LRCH3: variants seen among roughly 807,000 people sequenced by gnomAD.
The protein encoded by LRCH3 is leucine rich repeats and calponin homology domain containing 3, also known as DISP complex protein LRCH3.
A neutral mutation model predicts 104.5 loss-of-function variants in LRCH3; 68 were observed. That is an observed-to-expected ratio of 0.65 (90% CI 0.54 to 0.80). The LOEUF is 0.80. LRCH3 is among the 30% of genes least tolerant of loss of function. LRCH3 has a pLI of 0.00. For synonymous variants in LRCH3, 344 were observed against 361.3 expected (o/e 0.95, Z 0.54); for missense variants, 951 against 953.9 (o/e 1.00, Z 0.04).
In LRCH3 at chr3:197,861,473, G is replaced by A. The variant is rs538164592; in HGVS notation, c.1716+2568G>A. On this transcript the variant is annotated intron_variant, in intron 15 of 20. Transcript: ENST00000425562. ...TTGTTTTGACTGTGCCAAAAGTTGT[G>A]TGGTCCAGACAGACCACAGTGTCTT... is the stretch of plus-strand genomic sequence containing the variant. Among the ~76,000 whole-genome samples, 15 of 152,264 alleles carry A rather than the reference G, an allele frequency of 9.9e-5. No individual in the cohort carries two copies. The South Asian group carries it at 3.1e-3, about 32-fold the overall frequency.
At chr3:197,837,523 CT>C (rs1199297930) in intron 9 of LRCH3, among the ~76,000 whole-genome samples, 2 of 152,078 alleles carry the variant, frequency 1.3e-5, no homozygotes, top group Non-Finnish European at 2.9e-5. Flanking sequence ...AGTGAAGTAT[CT>C]TTTTATTTTC....
At position 197,817,342 on chromosome 3, in the gene LRCH3, G is replaced by GCGTGTGTGTGTGTGTC; in HGVS notation, c.534+40_534+41insCGTGTGTGTGTGTGTC. 6.5e-6 allele frequency: 2 copies of GCGTGTGTGTGTGTGTC among 307,906 alleles called. 1 individual carries two copies. The highest frequency in any genetic ancestry group is 3.3e-4 in the Admixed American group (2 of 6,134). 19.1% of individuals were successfully genotyped at this position (307,906 alleles called of 1,614,324 possible). ...TTGATTGTCCAACATGTGTGTGTGTGTGTCTGTGTGTGTGTGTGTATATAT... is the reference window on the plus strand; with the variant it reads ...TTGATTGTCCAACATGTGTGTGTGTGCGTGTGTGTGTGTGTCTGTCTGTGTGTGTGTGTGTATATAT... On this transcript the variant is annotated intron_variant, in intron 3 of 20. Coordinates refer to ENST00000425562, the MANE Select transcript of LRCH3 (RefSeq NM_001365715.1).
intron 15 of LRCH3, among the ~76,000 whole-genome samples, chr3:197,860,215 G>A (rs1056154865): frequency 1.3e-5 from 2 of 151,958 alleles, no homozygotes; most frequent in Non-Finnish European, 2.9e-5. Flanking sequence ...TTGCCCAGGC[G>A]GGTCTCAAAC....
intron 4 of LRCH3, among the ~76,000 whole-genome samples, chr3:197,823,928 C>T (rs2109235868): frequency 6.6e-6 from 1 of 152,328 alleles, no homozygotes; most frequent in East Asian, 1.9e-4. Flanking sequence ...CTGCTTTCCT[C>T]CCATCTTCCC....
chr3:197,828,910 T>C (rs1735572556), intron 5 of LRCH3, among the ~76,000 whole-genome samples: 1 of 151,858 alleles, frequency 6.6e-6, no homozygotes, highest in African/African-American at 2.4e-5. Flanking sequence ...GATTTCACCG[T>C]GTTGGTCAGG....
At chr3:197,880,073 G>A (rs947326788) in intron 20 of LRCH3, among the ~76,000 whole-genome samples, 2 of 150,632 alleles carry the variant, frequency 1.3e-5, no homozygotes, top group Admixed American at 6.6e-5. Flanking sequence ...AGCCTCCCGA[G>A]TAGCTGGGAC....
At chr3:197,791,245 T>A (rs569181321), upstream of LRCH3, 19 of 1,602,518 alleles carry the variant, frequency 1.2e-5, no homozygotes, top group South Asian at 1.8e-4. Context: ...GCGCATGCGC[T>A]GAGCTGGCGG....
At chr3:197,862,325 C>A (rs1346859008) in intron 15 of LRCH3, among the ~76,000 whole-genome samples, 1 of 152,312 alleles carries the variant, frequency 6.6e-6, no homozygotes, top group African/African-American at 2.4e-5. Context: ...AAGGAGAGAA[C>A]ATTCGCTGCC....
At chr3:197,880,598 C>T in intron 20 of LRCH3, 1 of 1,536,742 alleles carries the variant, frequency 6.5e-7, no homozygotes, top group Non-Finnish European at 8.7e-7. Flanking sequence ...TTGGGGCACA[C>T]TCAGAAGAAT....
At chr3:197,802,552 C>G (rs1246127940) in intron 1 of LRCH3, among the ~76,000 whole-genome samples, 1 of 151,984 alleles carries the variant, frequency 6.6e-6, no homozygotes, top group Non-Finnish European at 1.5e-5. Context: ...ATTCCCTTCT[C>G]TTTAGTTTTT....
At chr3:197,807,957 G>A (rs1398106465) in intron 1 of LRCH3, among the ~76,000 whole-genome samples, 1 of 151,914 alleles carries the variant, frequency 6.6e-6, no homozygotes, top group Non-Finnish European at 1.5e-5. Context: ...TATAATTTTT[G>A]CTTCCAATAT....
intron 5 of LRCH3, among the ~76,000 whole-genome samples, chr3:197,828,793 C>T (rs1187771653): frequency 2.7e-5 from 4 of 149,696 alleles, no homozygotes; most frequent in South Asian, 4.3e-4. Context: ...CTGCAGCCTC[C>T]GCCTCCTGGG....
chr3:197,878,228 C>A (rs1454562701), intron 20 of LRCH3, among the ~76,000 whole-genome samples: 1 of 152,164 alleles, frequency 6.6e-6, no homozygotes, highest in Non-Finnish European at 1.5e-5. Context: ...AAGGTCTAAG[C>A]CTGTCCGCGG....
intron 4 of LRCH3, among the ~76,000 whole-genome samples, chr3:197,822,074 A>G (rs1278290787): frequency 6.6e-6 from 1 of 152,226 alleles, no homozygotes; most frequent in Non-Finnish European, 1.5e-5. Context: ...CTAACATACT[A>G]GTGGAGCTTT....
chr3:197,861,197 C>T (rs1740841341), intron 15 of LRCH3, among the ~76,000 whole-genome samples: 1 of 152,142 alleles, frequency 6.6e-6, no homozygotes, highest in South Asian at 2.1e-4. Context: ...TATTGTTGAG[C>T]ATGCCCTACA....
chr3:197,838,516 T>C (rs559484420), intron 9 of LRCH3, among the ~76,000 whole-genome samples: 6 of 152,364 alleles, frequency 3.9e-5, no homozygotes, highest in African/African-American at 1.4e-4. Flanking sequence ...GGGAAAGTTG[T>C]TTTCTTATTT....
In LRCH3 at chr3:197,832,208, A is replaced by G. The variant is rs1020017372; in HGVS notation, c.993A>G (p.Glu331=). The G allele has an allele frequency of 2.5e-6, 4 of 1,612,542 alleles. No homozygotes were observed. The East Asian group carries it at 6.7e-5, about 27-fold the overall frequency. The change falls in exon 8 of 21, where the codon GAA becomes GAG. Residue 331 remains glutamate, a synonymous_variant. Transcript: ENST00000425562. ...GCTTCTTTTTTAAGCCTACAGATGA[A>G]TTTTCAGATCTGCCTCTTCGAGTAG... ...KRWSGNEPTD[E]FSDLPLRVAE... is the part of the protein sequence containing the mutation.
chr3:197,813,510 ATTTTTTTTTTTTTTT>A lies in LRCH3; in HGVS notation c.263-1374_263-1360del, dbSNP rs57062885. Among the ~76,000 whole-genome samples, 297 of 65,984 alleles carry A rather than the reference ATTTTTTTTTTTTTTT, an allele frequency of 4.5e-3. 2 individuals are homozygous for A. Among genetic ancestry groups the A allele is most frequent in the African/African-American group, 0.012 (251 of 21,146 alleles). The allele number at this position is 65,984 out of a possible 152,430, so 43.3% of individuals were successfully genotyped here. A position where few individuals can be genotyped will look rare whatever the true frequency, so the allele number is the denominator to read the frequency against. On this transcript the variant is annotated intron_variant, in intron 1 of 20. Transcript: ENST00000425562. Reference sequence around the variant, plus strand: ...CCGTTCTTCTAATGGGAGGCATATAATTTTTTTTTTTTTTTTTTTTTTTTTTTTTTTTTTTTTTGA... The same window carrying A: ...CCGTTCTTCTAATGGGAGGCATATAATTTTTTTTTTTTTTTTTTTTTTTGA...
rs752665561 is a variant in LRCH3 at position 197,828,703 on chromosome 3, CTTTTTTT to C, written c.778-846_778-840del. On this transcript the variant is annotated intron_variant, in intron 5 of 20. Coordinates refer to ENST00000425562, the MANE Select transcript of LRCH3 (RefSeq NM_001365715.1). The stretch of plus-strand genomic sequence containing the variant: ...CGATTTTGTACAAGCATATGTTACT[CTTTTTTT>C]TTTTTTTTTTTTTTGAGATGAAGTT... Among the ~76,000 whole-genome samples the C allele has an allele frequency of 2.3e-3, 255 of 112,828 alleles. 1 individual carries two copies. Among genetic ancestry groups the C allele is most frequent in the Non-Finnish European group, 4.0e-3 (220 of 55,262 alleles). 74.0% of individuals were successfully genotyped at this position (112,828 alleles called of 152,430 possible).
Sources: allele counts gnomAD v4.1 joint callset (sites outside exome capture counted in the v4.1 genomes callset), GRCh38; gene constraint gnomAD v4.1.1; transcripts MANE v1.5; gene names NCBI Gene and HGNC (gene_info 2026-07-23, HGNC 2026-07-21).